The following TAFA2 variants were observed in gnomAD, a reference collection of about 807,000 sequenced individuals.
The protein encoded by TAFA2 is TAFA chemokine like family member 2.
In TAFA2, 7 loss-of-function variants were observed where a neutral mutation model predicts 18.8. The ratio of observed to expected loss-of-function variants is 0.37; its 90% CI spans 0.21 to 0.70. TAFA2 has a LOEUF of 0.70. Among genes scored for constraint, TAFA2 ranks in the 30% least tolerant of loss-of-function variants. TAFA2 has a pLI of 0.53. For synonymous variants in TAFA2, 60 were observed against 54.2 expected (o/e 1.11, Z -0.47); for missense variants, 122 against 158.1 (o/e 0.77, Z 1.23).
chr12:61,893,751 CCTG>C (rs1290871094), intron 1 of TAFA2, among the ~76,000 whole-genome samples: 22 of 152,128 alleles, frequency 1.4e-4, no homozygotes, highest in Admixed American at 7.2e-4. Context: ...GCAAAATTAC[CCTG>C]CTATTATATA....
chr12:62,099,821 T>A (rs958282097), intron 1 of TAFA2, among the ~76,000 whole-genome samples: 2 of 152,064 alleles, frequency 1.3e-5, no homozygotes, highest in Non-Finnish European at 2.9e-5. Flanking sequence ...GCTCAGAGCA[T>A]AAGTAACTTG....
intron 1 of TAFA2, among the ~76,000 whole-genome samples, chr12:61,927,727 A>T (rs1256303861): frequency 6.6e-6 from 1 of 152,230 alleles, no homozygotes; most frequent in African/African-American, 2.4e-5. Flanking sequence ...AAAAGAACAA[A>T]GCTGGAGGCA....
chr12:62,079,992 C>T (rs1046828517), intron 1 of TAFA2, among the ~76,000 whole-genome samples: 1 of 152,190 alleles, frequency 6.6e-6, no homozygotes, highest in Non-Finnish European at 1.5e-5. Context: ...ATCTTATAGG[C>T]TAAAATCAAG....
chr12:61,855,416 G>A (rs187500630), intron 2 of TAFA2, among the ~76,000 whole-genome samples: 232 of 152,178 alleles, frequency 1.5e-3, no homozygotes, highest in African/African-American at 5.2e-3. Flanking sequence ...TTCATACATG[G>A]GCTTGTCTAT....
intron 1 of TAFA2, among the ~76,000 whole-genome samples, chr12:61,989,525 G>T (rs573223492): frequency 7.6e-4 from 116 of 152,158 alleles, no homozygotes; most frequent in African/African-American, 1.3e-3. Context: ...AAACCTCTCA[G>T]CACCACCCTT....
intron 1 of TAFA2, among the ~76,000 whole-genome samples, chr12:62,138,066 T>G (rs1331858944): frequency 1.3e-5 from 2 of 152,124 alleles, no homozygotes; most frequent in East Asian, 3.9e-4. Flanking sequence ...CCTCAAATCT[T>G]ATGTCTTTGC....
chr12:62,059,640 A>G (rs755681041), intron 1 of TAFA2, among the ~76,000 whole-genome samples: 1 of 152,196 alleles, frequency 6.6e-6, no homozygotes, highest in African/African-American at 2.4e-5. Context: ...GGAGCAAGCC[A>G]TGTGGCCACC....
intron 1 of TAFA2, among the ~76,000 whole-genome samples, chr12:62,215,549 A>G (rs1418034962): frequency 7.3e-6 from 1 of 137,268 alleles, no homozygotes; most frequent in Non-Finnish European, 1.6e-5. Context: ...GGAAAAAAGA[A>G]AGAACTTGTC....
At chr12:61,800,209 T>C (rs1157574427) in intron 2 of TAFA2, among the ~76,000 whole-genome samples, 1 of 152,204 alleles carries the variant, frequency 6.6e-6, no homozygotes, top group Non-Finnish European at 1.5e-5. Context: ...GATATAATGT[T>C]AATCACTTTT....
At position 61,713,583 on chromosome 12, in the gene TAFA2, C is replaced by T. The variant is rs372964710; in HGVS notation, c.385-3166G>A. On this transcript the variant is annotated intron_variant, in intron 4 of 4. Coordinates refer to ENST00000416284, the MANE Select transcript of TAFA2 (RefSeq NM_178539.5). ...CTCCCTGACAACCTCAGGGTTTGCA[C>T]TAAACAAGATGGGAAAACCAAAGGT... Among the ~76,000 whole-genome samples the T allele has an allele frequency of 2.0e-5, 3 of 152,166 alleles. No individual in the cohort carries two copies. In the East Asian group the frequency reaches 5.8e-4, roughly 29 times the overall value.
chr12:62,053,291 T>G (rs1410329242), intron 1 of TAFA2, among the ~76,000 whole-genome samples: 4 of 152,238 alleles, frequency 2.6e-5, no homozygotes, highest in African/African-American at 9.6e-5. Flanking sequence ...ACTTGTTTTG[T>G]TAGCATAAGA....
intron 1 of TAFA2, among the ~76,000 whole-genome samples, chr12:62,177,046 G>A (rs184905811): frequency 3.9e-5 from 6 of 152,334 alleles, no homozygotes; most frequent in Admixed American, 1.3e-4. Flanking sequence ...GATCACTCAC[G>A]TGAAGTACTT....
intron 1 of TAFA2, among the ~76,000 whole-genome samples, chr12:62,123,127 T>C (rs757408762): frequency 5.9e-5 from 9 of 152,170 alleles, no homozygotes; most frequent in Non-Finnish European, 1.0e-4. Flanking sequence ...TTTTACCAAA[T>C]ACGCTTATAT....
chr12:61,955,580 G>A (rs182630606), intron 1 of TAFA2, among the ~76,000 whole-genome samples: 2,150 of 105,826 alleles, frequency 0.02, 83 homozygotes, highest in African/African-American at 0.077. Context: ...CCAGCCTGGC[G>A]ACACAGCAAG....
intron 2 of TAFA2, among the ~76,000 whole-genome samples, chr12:61,865,922 CA>C (rs34087298): frequency 0.27 from 41,316 of 151,878 alleles, 6,238 homozygotes; most frequent in South Asian, 0.39. Context: ...AAGTCCACGG[CA>C]GGGCTTGGCC....
At chr12:62,180,127 G>C (rs1372687682) in intron 1 of TAFA2, among the ~76,000 whole-genome samples, 1 of 152,216 alleles carries the variant, frequency 6.6e-6, no homozygotes, top group African/African-American at 2.4e-5. Context: ...CCAATGTGCA[G>C]TAAGCTTGAT....
In TAFA2 at chr12:62,228,875, A is replaced by T. The variant is rs529308424; in HGVS notation, c.-130+29888T>A. ...TATGGAATATCTTCTATATTTATAC[A>T]CCCTCTTCAACTTCTTTCATCAGTG... On this transcript the variant is annotated intron_variant, in intron 1 of 5. Transcript: ENST00000551619. 1.3e-4 allele frequency among the ~76,000 whole-genome samples: 20 copies of T among 152,242 alleles called. No individual in the cohort carries two copies. In the East Asian group the frequency reaches 3.9e-3, roughly 29 times the overall value.
intron 1 of TAFA2, among the ~76,000 whole-genome samples, chr12:61,884,776 A>G (rs146103574): frequency 1.3e-5 from 2 of 152,298 alleles, no homozygotes; most frequent in East Asian, 3.9e-4. Flanking sequence ...TGTTTGTACT[A>G]TGATGAGGGT....
intron 1 of TAFA2, among the ~76,000 whole-genome samples, chr12:62,174,107 C>A (rs1382066921): frequency 6.6e-6 from 1 of 152,272 alleles, no homozygotes; most frequent in Admixed American, 6.5e-5. Context: ...GACTGGCCAA[C>A]ACAGTGAAAC....
Sources: allele counts gnomAD v4.1 joint callset (sites outside exome capture counted in the v4.1 genomes callset), GRCh38; gene constraint gnomAD v4.1.1; transcripts MANE v1.5; gene names NCBI Gene and HGNC (gene_info 2026-07-23, HGNC 2026-07-21).